Variants in TMEM185B observed in about 807,000 individuals in gnomAD.
TMEM185B encodes transmembrane protein 185B.
TMEM185B carries 9 observed loss-of-function variants against 26.2 expected under a neutral mutation model. The ratio of observed to expected loss-of-function variants is 0.34; its 90% CI spans 0.21 to 0.60. The LOEUF (loss-of-function observed/expected upper bound fraction) is 0.60, where lower values mean the gene tolerates loss of function less well. Ranked by LOEUF, TMEM185B falls within the 20% of genes least tolerant of loss-of-function variation. TMEM185B has a pLI of 0.80. For missense variants in TMEM185B, 392 were observed against 447.9 expected, an observed-to-expected ratio of 0.88 and a Z score of 1.13; for synonymous variants, 204 against 191.8, an observed-to-expected ratio of 1.06 and a Z score of -0.52.
In TMEM185B at chr2:120,220,644, C is replaced by T. The variant is rs181439741; in HGVS notation, c.*1280G>A. On this transcript the variant is annotated 3_prime_UTR_variant, in exon 1 of 1. Transcript: ENST00000426077. ...ACTCGCGAGGCTGAGGCAGAAGAAT[C>T]GCTTGAACCGGGAGGCGGAGGCTGC... is the stretch of plus-strand genomic sequence containing the variant. 3.3e-3 allele frequency among the ~76,000 whole-genome samples: 499 copies of T among 152,254 alleles called. 2 individuals are homozygous for T. Among genetic ancestry groups the T allele is most frequent in the African/African-American group, 0.011 (470 of 41,556 alleles).
chr2:120,218,658 G>A lies in TMEM185B; in HGVS notation c.*3266C>T, dbSNP rs776003608. On this transcript the variant is annotated 3_prime_UTR_variant, in exon 1 of 1. Transcript: ENST00000426077. The stretch of plus-strand genomic sequence containing the variant: ...TCCAGCACTTTCCTAAAACTGTCCC[G>A]TGTGGAGTACTCCGGCCTCACCACT... 2.0e-5 allele frequency among the ~76,000 whole-genome samples: 3 copies of A among 152,146 alleles called. No homozygotes were observed. The highest frequency in any genetic ancestry group is 2.9e-5 in the Non-Finnish European group (2 of 68,000).
rs573884531 is a variant in TMEM185B, at chr2:120,221,667, C to G, written c.*257G>C. On this transcript the variant is annotated 3_prime_UTR_variant, in exon 1 of 1. Coordinates refer to ENST00000426077, the MANE Select transcript of TMEM185B (RefSeq NM_024121.3). The stretch of plus-strand genomic sequence containing the variant: ...TGTGGTTATTCCTTTTGAGGACCTA[C>G]TAAAACAATTCGACTTACTGCCCCC... The G allele has an allele frequency of 2.4e-5, 12 of 503,474 alleles. No homozygotes were observed. Among genetic ancestry groups the G allele is most frequent in the Non-Finnish European group, 3.9e-5 (11 of 285,684 alleles). The allele number at this position is 503,474 out of a possible 1,614,324, so 31.2% of individuals were successfully genotyped here. A position where few individuals can be genotyped will look rare whatever the true frequency, so the allele number is the denominator to read the frequency against.
rs1558937441 is a variant in TMEM185B, at chr2:120,222,978, G to A, written c.-2C>T. ...CTGGAACAGGCCCCTGGGGTTCATG[G>A]CGGAGGCCGCCGCTTGCCTGCCCGG... On this transcript the variant is annotated 5_prime_UTR_variant, in exon 1 of 1. Coordinates refer to ENST00000426077, the MANE Select transcript of TMEM185B (RefSeq NM_024121.3). 12 of 1,416,660 alleles carry A rather than the reference G, an allele frequency of 8.5e-6. No individual in the cohort carries two copies. The highest frequency in any genetic ancestry group is 1.0e-5 in the Non-Finnish European group (11 of 1,089,810). 87.8% of individuals were successfully genotyped at this position (1,416,660 alleles called of 1,614,324 possible).
rs1479853289 is a variant in TMEM185B, at chr2:120,220,766, C to T, written c.*1158G>A. ...AAAACAAAACAAACAAACAAAAAAA[C>T]AAAAGAAAAGAAAAAAGAAACACTG... On this transcript the variant is annotated 3_prime_UTR_variant, in exon 1 of 1. Transcript: ENST00000426077. Among the ~76,000 whole-genome samples the T allele has an allele frequency of 2.6e-5, 4 of 152,026 alleles. No homozygotes were observed. The highest frequency in any genetic ancestry group is 9.7e-5 in the African/African-American group (4 of 41,396).
chr2:120,219,712 A>T lies in TMEM185B; in HGVS notation c.*2212T>A, dbSNP rs1420158972. Among the ~76,000 whole-genome samples, 3 of 152,224 alleles carry T rather than the reference A, an allele frequency of 2.0e-5. No homozygotes were observed. The East Asian group carries it at 5.8e-4, about 29-fold the overall frequency. ...GGGAGGCACTGGGCTCCTGAAAACA[A>T]AGATGAGCTTAAAGTTCTAGGTCAC... On this transcript the variant is annotated 3_prime_UTR_variant, in exon 1 of 1. Transcript: ENST00000426077.
chr2:120,221,250 A>G lies in TMEM185B; in HGVS notation c.*674T>C, dbSNP rs1688582194. 1 of 152,282 alleles carries G rather than the reference A, an allele frequency of 6.6e-6. No individual in the cohort carries two copies. Among genetic ancestry groups the G allele is most frequent in the Admixed American group, 6.5e-5 (1 of 15,286 alleles). The allele number at this position is 152,282 out of a possible 1,614,324, so 9.4% of individuals were successfully genotyped here. ...ATACTGTTTTATGCAGTTTTCAAGG[A>G]CATCTGCAATAGACACATATCTTCA... On this transcript the variant is annotated 3_prime_UTR_variant, in exon 1 of 1. Transcript: ENST00000426077.
chr2:120,222,110 TA>T lies in TMEM185B; in HGVS notation c.866del (p.Leu289Ter). On this transcript the variant is annotated frameshift_variant, in exon 1 of 1. Transcript: ENST00000426077. LOFTEE classifies it high-confidence loss of function. ...CQFLLEIFPF[L>X]REYGNISYDL... Reference sequence around the variant, plus strand: ...CATATGAAATGTTCCCATATTCTCTTAAAAATGGGAAAATTTCAAGCAGAAA... The same window carrying T: ...CATATGAAATGTTCCCATATTCTCTTAAAATGGGAAAATTTCAAGCAGAAA... 1 of 1,559,300 alleles carries T rather than the reference TA, an allele frequency of 6.4e-7. No individual in the cohort carries two copies. The highest frequency in any genetic ancestry group is 8.7e-7 in the Non-Finnish European group (1 of 1,152,506).
chr2:120,221,346 T>G lies in TMEM185B; in HGVS notation c.*578A>C, dbSNP rs1688583314. On this transcript the variant is annotated 3_prime_UTR_variant, in exon 1 of 1. Transcript: ENST00000426077. ...AGAACTAGAATTCAACATATTACAC[T>G]GCTAAAATATTCATATAAATACTAT... The G allele has an allele frequency of 6.6e-6, 1 of 152,382 alleles. No individual in the cohort carries two copies. Among genetic ancestry groups the G allele is most frequent in the Non-Finnish European group, 1.5e-5 (1 of 68,160 alleles). 9.4% of individuals were successfully genotyped at this position (152,382 alleles called of 1,614,324 possible). A position where few individuals can be genotyped will look rare whatever the true frequency, so the allele number is the denominator to read the frequency against.
At position 120,222,647 on chromosome 2, in the gene TMEM185B, G is replaced by T; in HGVS notation, c.330C>A (p.His110Gln). Residue 110 changes from histidine (H) to glutamine (Q), a missense_variant, in exon 1 of 1, where the codon CAC (histidine) becomes CAA (glutamine). Transcript: ENST00000426077. ...LVCDRVERGTHFWLLVFMPLF... is the reference protein window; with the variant it reads ...LVCDRVERGTQFWLLVFMPLF... ...GAGGCATGAAGACCAGCAGCCAGAA[G>T]TGGGTGCCCCTCTCCACCCTGTCGC... 2 of 1,536,488 alleles carry T rather than the reference G, an allele frequency of 1.3e-6. No homozygotes were observed. The highest frequency in any genetic ancestry group is 1.7e-6 in the Non-Finnish European group (2 of 1,146,998).
In TMEM185B at chr2:120,223,098, T is replaced by TA; in HGVS notation, c.-123_-122insT. ...CCCAAGCCGGCTCCGCGTGGACGAA[T>TA]GCCGGGACGACCAGGAGGAGGTTCG... On this transcript the variant is annotated 5_prime_UTR_variant, in exon 1 of 1. Coordinates refer to ENST00000426077, the MANE Select transcript of TMEM185B (RefSeq NM_024121.3). 1.5e-6 allele frequency: 1 copy of TA among 672,624 alleles called. No homozygotes were observed. The highest frequency in any genetic ancestry group is 2.1e-6 in the Non-Finnish European group (1 of 473,384). 41.7% of individuals were successfully genotyped at this position (672,624 alleles called of 1,614,324 possible).
chr2:120,221,963 A>G lies in TMEM185B; in HGVS notation c.1014T>C (p.Val338=), dbSNP rs552959970. ...CAATATTTAACTTGGGAGGGGGGGG[A>G]ACGTATTTCCCAGGGCTCTGGGTTA... ...VVITQSPGKY[V]PPPPKLNIDM... The change falls in exon 1 of 1, where the codon GTT becomes GTC. Residue 338 remains valine (V), a synonymous_variant. Transcript: ENST00000426077. 7.2e-6 allele frequency: 11 copies of G among 1,533,966 alleles called. No individual in the cohort carries two copies. Among genetic ancestry groups the G allele is most frequent in the East Asian group, 2.4e-5 (1 of 40,894 alleles).
In TMEM185B at chr2:120,220,783, G is replaced by GA. The variant is rs1306189511; in HGVS notation, c.*1140dup. The stretch of plus-strand genomic sequence containing the variant: ...CAAAAAAACAAAAGAAAAGAAAAAA[G>GA]AAACACTGTTCTTATCTACAAAGAT... On this transcript the variant is annotated 3_prime_UTR_variant, in exon 1 of 1. Transcript: ENST00000426077. 6.6e-6 allele frequency among the ~76,000 whole-genome samples: 1 copy of GA among 152,074 alleles called. No homozygotes were observed. The highest frequency in any genetic ancestry group is 1.5e-5 in the Non-Finnish European group (1 of 67,992).
rs79458311 is a variant in TMEM185B, at chr2:120,220,898, C to T, written c.*1026G>A. Reference sequence around the variant, plus strand: ...TCTACTGACCACTTCCGGTTAAGGCCACTCTCTCCATCTTTCCAATGACAA... The same window carrying T: ...TCTACTGACCACTTCCGGTTAAGGCTACTCTCTCCATCTTTCCAATGACAA... On this transcript the variant is annotated 3_prime_UTR_variant, in exon 1 of 1. Coordinates refer to ENST00000426077, the MANE Select transcript of TMEM185B (RefSeq NM_024121.3). 0.072 allele frequency among the ~76,000 whole-genome samples: 10,957 copies of T among 152,260 alleles called. 536 individuals are homozygous for T. Among genetic ancestry groups the T allele is most frequent in the Non-Finnish European group, 0.11 (7,493 of 68,012 alleles).
chr2:120,223,065 G>C lies in TMEM185B; in HGVS notation c.-89C>G, dbSNP rs1268132450. 4.4e-5 allele frequency: 47 copies of C among 1,060,392 alleles called. 1 individual carries two copies. Among genetic ancestry groups the C allele is most frequent in the Non-Finnish European group, 2.0e-5 (16 of 814,644 alleles). The allele number at this position is 1,060,392 out of a possible 1,614,324, so 65.7% of individuals were successfully genotyped here. A position where few individuals can be genotyped will look rare whatever the true frequency, so the allele number is the denominator to read the frequency against. Reference sequence around the variant, plus strand: ...GCGGCTTCTCCGGCCGCCGCCTCCCGGGCCCCGCCCAAGCCGGCTCCGCGT... The same window carrying C: ...GCGGCTTCTCCGGCCGCCGCCTCCCCGGCCCCGCCCAAGCCGGCTCCGCGT... On this transcript the variant is annotated 5_prime_UTR_variant, in exon 1 of 1. Coordinates refer to ENST00000426077, the MANE Select transcript of TMEM185B (RefSeq NM_024121.3).
rs1247107564 is a variant in TMEM185B at position 120,223,041 on chromosome 2, C to A, written c.-65G>T. The stretch of plus-strand genomic sequence containing the variant: ...GCGACGCTCGGCGCTCGCGTCTCCG[C>A]GGCTTCTCCGGCCGCCGCCTCCCGG... On this transcript the variant is annotated 5_prime_UTR_variant, in exon 1 of 1. Coordinates refer to ENST00000426077, the MANE Select transcript of TMEM185B (RefSeq NM_024121.3). 8.2e-7 allele frequency: 1 copy of A among 1,223,542 alleles called. No individual in the cohort carries two copies. Among genetic ancestry groups the A allele is most frequent in the East Asian group, 3.1e-5 (1 of 32,676 alleles). 75.8% of individuals were successfully genotyped at this position (1,223,542 alleles called of 1,614,324 possible).
chr2:120,219,085 C>T lies in TMEM185B; in HGVS notation c.*2839G>A, dbSNP rs1283611379. Among the ~76,000 whole-genome samples, 1 of 152,202 alleles carries T rather than the reference C, an allele frequency of 6.6e-6. No homozygotes were observed. The highest frequency in any genetic ancestry group is 1.9e-4 in the East Asian group (1 of 5,202). Reference sequence around the variant, plus strand: ...TCAACCAGGGACCCAGAATACGGGACATGTTGTGGAGCAGACGTGATCAGA... The same window carrying T: ...TCAACCAGGGACCCAGAATACGGGATATGTTGTGGAGCAGACGTGATCAGA... On this transcript the variant is annotated 3_prime_UTR_variant, in exon 1 of 1. Coordinates refer to ENST00000426077, the MANE Select transcript of TMEM185B (RefSeq NM_024121.3).
chr2:120,221,048 A>C lies in TMEM185B; in HGVS notation c.*876T>G, dbSNP rs1387309411. Among the ~76,000 whole-genome samples, 1 of 152,212 alleles carries C rather than the reference A, an allele frequency of 6.6e-6. No homozygotes were observed. Among genetic ancestry groups the C allele is most frequent in the Non-Finnish European group, 1.5e-5 (1 of 68,034 alleles). ...ATTCAAGTTGCTAAATAACAGTGTC[A>C]CTTTATGGCCTGGTACCACACTAGA... is the stretch of plus-strand genomic sequence containing the variant. On this transcript the variant is annotated 3_prime_UTR_variant, in exon 1 of 1. Transcript: ENST00000426077.
At position 120,220,031 on chromosome 2, in the gene TMEM185B, C is replaced by T. The variant is rs1688560339; in HGVS notation, c.*1893G>A. On this transcript the variant is annotated 3_prime_UTR_variant, in exon 1 of 1. Transcript: ENST00000426077. ...GTGTGAGAGAGACAGAGCGAGCTCC[C>T]TCAGACAGCGAGCTCAATCCCAGCC... 6.6e-6 allele frequency among the ~76,000 whole-genome samples: 1 copy of T among 152,234 alleles called. No homozygotes were observed. The highest frequency in any genetic ancestry group is 2.4e-5 in the African/African-American group (1 of 41,464).
At position 120,219,868 on chromosome 2, in the gene TMEM185B, A is replaced by AT. The variant is rs1688557441; in HGVS notation, c.*2055dup. ...GGCAGGGCTGTTTGCTCTCCACTGC[A>AT]TCCCCACTGCCTGGCACCATGCTTG... is the stretch of plus-strand genomic sequence containing the variant. On this transcript the variant is annotated 3_prime_UTR_variant, in exon 1 of 1. Coordinates refer to ENST00000426077, the MANE Select transcript of TMEM185B (RefSeq NM_024121.3). Among the ~76,000 whole-genome samples the AT allele has an allele frequency of 6.6e-6, 1 of 152,206 alleles. No individual in the cohort carries two copies. The highest frequency in any genetic ancestry group is 1.5e-5 in the Non-Finnish European group (1 of 68,020).
Sources: allele counts gnomAD v4.1 joint callset (sites outside exome capture counted in the v4.1 genomes callset), GRCh38; gene constraint gnomAD v4.1.1; transcripts MANE v1.5; gene names NCBI Gene and HGNC (gene_info 2026-07-23, HGNC 2026-07-21).